The following DSCAM variants were observed in gnomAD, a reference collection of about 807,000 sequenced individuals.
The protein encoded by DSCAM is cell adhesion molecule DSCAM.
A neutral mutation model predicts 217.7 loss-of-function variants in DSCAM; 47 were observed. The ratio of observed to expected loss-of-function variants is 0.22; its 90% confidence interval spans 0.17 to 0.28. The LOEUF is 0.28. Among genes scored for constraint, DSCAM ranks in the 10% least tolerant of loss-of-function variants. DSCAM has a pLI of 1.00. For synonymous variants in DSCAM, 1,056 were observed against 1,015.3 expected (o/e 1.04, Z -0.76); for missense variants, 2,080 against 2,618.3 (o/e 0.79, Z 4.49).
At chr21:40,209,532 G>A (rs941930956) in intron 11 of DSCAM, among the ~76,000 whole-genome samples, 4 of 152,082 alleles carry the variant, frequency 2.6e-5, no homozygotes, top group African/African-American at 9.7e-5. Flanking sequence ...CATCTCTGGA[G>A]GTCAGCCAGG....
chr21:40,522,649 T>C (rs921223185), intron 3 of DSCAM, among the ~76,000 whole-genome samples: 1 of 152,190 alleles, frequency 6.6e-6, no homozygotes. Context: ...GGAAACAGAA[T>C]TGATCAGCTG....
intron 3 of DSCAM, among the ~76,000 whole-genome samples, chr21:40,371,422 C>CAAA (rs35103902): frequency 3.5e-5 from 5 of 142,666 alleles, no homozygotes; most frequent in South Asian, 2.2e-4. Context: ...AAAGGAAAGT[C>CAAA]AAAAAAAAAA....
At chr21:40,424,125 T>C (rs1393422025) in intron 3 of DSCAM, among the ~76,000 whole-genome samples, 1 of 152,214 alleles carries the variant, frequency 6.6e-6, no homozygotes, top group African/African-American at 2.4e-5. Context: ...CACTGTTAAT[T>C]TGCAGATAGC....
At chr21:40,806,086 C>G (rs1351442464) in intron 1 of DSCAM, among the ~76,000 whole-genome samples, 1 of 152,206 alleles carries the variant, frequency 6.6e-6, no homozygotes, top group African/African-American at 2.4e-5. Flanking sequence ...CCTGCTACAC[C>G]TCAGCCCTGC....
At chr21:40,414,664 G>A (rs1365151537) in intron 3 of DSCAM, among the ~76,000 whole-genome samples, 1 of 152,184 alleles carries the variant, frequency 6.6e-6, no homozygotes, top group East Asian at 1.9e-4. Context: ...GCAACCTGCA[G>A]TGTGAAATAC....
chr21:40,363,674 C>T (rs2074793522), intron 4 of DSCAM, among the ~76,000 whole-genome samples: 1 of 152,146 alleles, frequency 6.6e-6, no homozygotes, highest in Non-Finnish European at 1.5e-5. Context: ...CCAAAATTGA[C>T]AAATGGGATC....
chr21:40,263,767 G>T (rs1010953447), intron 11 of DSCAM, among the ~76,000 whole-genome samples: 2 of 152,008 alleles, frequency 1.3e-5, no homozygotes, highest in African/African-American at 4.8e-5. Flanking sequence ...AAACAACAAG[G>T]AGGTTATTTG....
At chr21:40,026,820 TTC>T (rs2088396200) in intron 32 of DSCAM, among the ~76,000 whole-genome samples, 2 of 17,418 alleles carry the variant, frequency 1.1e-4, no homozygotes, top group African/African-American at 4.5e-4. Context: ...TCTTGACTCT[TTC>T]TTTATCCAAT....
At chr21:40,738,936 T>C (rs1473638576) in intron 1 of DSCAM, among the ~76,000 whole-genome samples, 1 of 152,188 alleles carries the variant, frequency 6.6e-6, no homozygotes, top group African/African-American at 2.4e-5. Flanking sequence ...ACAGCCTGTG[T>C]CTGGGCAGCT....
At chr21:40,780,657 A>G (rs2091535859) in intron 1 of DSCAM, among the ~76,000 whole-genome samples, 1 of 151,792 alleles carries the variant, frequency 6.6e-6, no homozygotes, top group Non-Finnish European at 1.5e-5. Flanking sequence ...TCCTGTTCCA[A>G]TCTGACTGGT....
chr21:40,215,864 C>T (rs995167250), intron 11 of DSCAM, among the ~76,000 whole-genome samples: 3 of 149,108 alleles, frequency 2.0e-5, no homozygotes, highest in Non-Finnish European at 3.0e-5. Context: ...GTAGGTAGAA[C>T]AAATCAATCA....
chr21:40,248,106 C>T (rs1555894399), intron 11 of DSCAM, among the ~76,000 whole-genome samples: 10 of 152,198 alleles, frequency 6.6e-5, no homozygotes, highest in Non-Finnish European at 4.4e-5. Flanking sequence ...AGGCTGCACA[C>T]AGCATGGGCA....
chr21:40,256,028 G>A (rs2146968471), intron 11 of DSCAM, among the ~76,000 whole-genome samples: 1 of 152,338 alleles, frequency 6.6e-6, no homozygotes, highest in Non-Finnish European at 1.5e-5. Flanking sequence ...TTTTCCTTAA[G>A]TCACTAAGTT....
intron 3 of DSCAM, among the ~76,000 whole-genome samples, chr21:40,473,210 G>A (rs1321712487): frequency 6.6e-6 from 1 of 151,964 alleles, no homozygotes; most frequent in East Asian, 1.9e-4. Context: ...AGAGCAGAAT[G>A]AATTAGAAAA....
chr21:40,115,395 C>G (rs1462220296), intron 20 of DSCAM, among the ~76,000 whole-genome samples: 3 of 152,106 alleles, frequency 2.0e-5, no homozygotes, highest in Non-Finnish European at 4.4e-5. Context: ...AGGGGAACAT[C>G]ACACACTGGA....
At chr21:40,222,468 G>C (rs1454231229) in intron 11 of DSCAM, among the ~76,000 whole-genome samples, 1 of 152,190 alleles carries the variant, frequency 6.6e-6, no homozygotes, top group African/African-American at 2.4e-5. Context: ...AATTTTGGTA[G>C]AGTATCAAAG....
At chr21:40,250,255 T>A (rs1343247897) in intron 11 of DSCAM, among the ~76,000 whole-genome samples, 1 of 152,128 alleles carries the variant, frequency 6.6e-6, no homozygotes, top group Admixed American at 6.5e-5. Flanking sequence ...GTCTGCGACA[T>A]CTCTGAAAAA....
chr21:40,456,459 A>C (rs1471598571), intron 3 of DSCAM, among the ~76,000 whole-genome samples: 1 of 152,188 alleles, frequency 6.6e-6, no homozygotes, highest in African/African-American at 2.4e-5. Flanking sequence ...ATATGATTAC[A>C]GGTCACATTT....
chr21:40,087,807 T>A (rs574492119), intron 21 of DSCAM, among the ~76,000 whole-genome samples: 4 of 152,150 alleles, frequency 2.6e-5, no homozygotes, highest in Non-Finnish European at 5.9e-5. Flanking sequence ...ATTTTCAGAG[T>A]GGCCTCTCTT....
Sources: gnomAD v4.1 joint callset for allele counts (sites outside exome capture counted in the v4.1 genomes callset) on GRCh38, gnomAD v4.1.1 for gene constraint, MANE v1.5 for transcripts, NCBI Gene and HGNC (gene_info 2026-07-23, HGNC 2026-07-21) for gene names.